ZNF519: variants seen among roughly 807,000 people sequenced by gnomAD.
ZNF519 encodes zinc finger protein 519.
Under a neutral mutation model 7.4 loss-of-function variants are expected in ZNF519, and 7 were observed. The observed-to-expected ratio is 0.94, with a 90% CI of 0.54 to 1.77. The LOEUF (loss-of-function observed/expected upper bound fraction) is 1.77. ZNF519 is among the 40% of genes most tolerant of loss of function. The probability of loss-of-function intolerance (pLI) is 0.00; values close to 1 mark genes in which losing one functional copy is unlikely to be tolerated. For missense variants in ZNF519, 586 were observed against 623.1 expected, an observed-to-expected ratio of 0.94 and a Z score of 0.63; for synonymous variants, 179 against 203.3, an observed-to-expected ratio of 0.88 and a Z score of 1.02.
chr18:14,105,935 A>G lies in ZNF519; in HGVS notation c.605T>C (p.Ile202Thr). ...GTTGTAAGGCTTTTTTTGAATATGG[A>G]TATTTTCAGGGAAAATAAGCTTTGA... ...QSSKLIFPEN[I>T]HIQKKPYNSN... is the part of the protein sequence containing the mutation. Residue 202 changes from isoleucine (I) to threonine (T), a missense_variant, in exon 3 of 3, where the codon ATC becomes ACC. Physicochemically the swap from Ile to Thr is moderately conservative, Grantham distance 89 (BLOSUM62 -1). Transcript: ENST00000590202. The G allele has an allele frequency of 6.2e-7, 1 of 1,608,078 alleles. No individual in the cohort carries two copies. Among genetic ancestry groups the G allele is most frequent in the South Asian group, 1.1e-5 (1 of 89,950 alleles).
downstream of ZNF519, chr18:14,071,685 TTACAAGAGCA>T (rs2046028981): frequency 2.0e-5 from 3 of 152,010 alleles, no homozygotes; most frequent in Non-Finnish European, 4.4e-5. Context: ...GCAGGTATAA[TTACAAGAGCA>T]AAATGCAGGA....
rs763591495 is a variant in ZNF519, at chr18:14,105,211, CCT to C, written c.1327_1328del (p.Arg443GlyfsTer20). The C allele has an allele frequency of 6.0e-5, 94 of 1,568,178 alleles. No individual in the cohort carries two copies. The Middle Eastern group carries it at 4.2e-3, about 69-fold the overall frequency. On this transcript the variant is annotated frameshift_variant, in exon 3 of 3. Coordinates refer to ENST00000590202, the MANE Select transcript of ZNF519 (RefSeq NM_145287.4). LOFTEE classifies it low-confidence loss of function (END_TRUNC). ...TTTGATGTCGAGTAAGGTGTGAGCC[CCT>C]GTTAAAGGCTTTGCCACATTCTTTA... Reference protein sequence around the residue: ...KCKECGKAFNRGSHLTRHQRI... With the variant: ...KCKECGKAFNXGSHLTRHQRI...
At chr18:14,091,000 C>A (rs1213273650) in intron 2 of ZNF519, 2 of 152,032 alleles carry the variant, frequency 1.3e-5, no homozygotes, top group Non-Finnish European at 2.9e-5. Flanking sequence ...TTAATAAAGA[C>A]TTTTAGTACT....
At chr18:14,088,246 G>A (rs1161411455) in intron 2 of ZNF519, among the ~76,000 whole-genome samples, 3 of 152,180 alleles carry the variant, frequency 2.0e-5, no homozygotes, top group African/African-American at 7.2e-5. Context: ...AAAATCAGAA[G>A]AGAAAGTCTT....
At chr18:14,089,413 T>C (rs1254362161) in intron 2 of ZNF519, among the ~76,000 whole-genome samples, 3 of 152,150 alleles carry the variant, frequency 2.0e-5, no homozygotes, top group African/African-American at 7.2e-5. Context: ...AAGAACTCAT[T>C]CATCTGATTT....
At chr18:14,125,045 T>C (rs1216572227) in intron 1 of ZNF519, among the ~76,000 whole-genome samples, 1 of 152,196 alleles carries the variant, frequency 6.6e-6, no homozygotes. Context: ...AAAGGGTCCA[T>C]GAATTAGCTT....
At chr18:14,110,913 G>A (rs1363881610) in intron 2 of ZNF519, among the ~76,000 whole-genome samples, 2 of 152,010 alleles carry the variant, frequency 1.3e-5, no homozygotes, top group African/African-American at 4.8e-5. Context: ...AGGCGGGTGA[G>A]GGATAAAAGC....
chr18:14,120,580 G>GA (rs199670724), intron 2 of ZNF519, among the ~76,000 whole-genome samples: 167 of 151,432 alleles, frequency 1.1e-3, no homozygotes, highest in African/African-American at 3.1e-3. Flanking sequence ...CACAGGAAAG[G>GA]AAAAAAAAAT....
intron 1 of ZNF519, among the ~76,000 whole-genome samples, chr18:14,130,847 GA>G (rs56750676): frequency 0.24 from 34,359 of 145,426 alleles, 3,839 homozygotes; most frequent in African/African-American, 0.31. Context: ...GGGGTTGGGG[GA>G]AAAAAAAAAA....
chr18:14,101,603 G>A lies in ZNF519; in HGVS notation c.*3314C>T, dbSNP rs2046161685. On this transcript the variant is annotated 3_prime_UTR_variant, in exon 3 of 3. Coordinates refer to ENST00000590202, the MANE Select transcript of ZNF519 (RefSeq NM_145287.4). The stretch of plus-strand genomic sequence containing the variant: ...ACAAAGTCCTGTGAGTCATCAAGGT[G>A]GAGTCCTGGCAGAAGGCCTTCTCAG... 17 of 398,468 alleles carry A rather than the reference G, an allele frequency of 4.3e-5. No homozygotes were observed. The East Asian group carries it at 5.7e-4, about 13-fold the overall frequency. 24.7% of individuals were successfully genotyped at this position (398,468 alleles called of 1,614,324 possible).
chr18:14,095,631 A>C (rs980091942), downstream of ZNF519, among the ~76,000 whole-genome samples: 1 of 152,230 alleles, frequency 6.6e-6, no homozygotes, highest in Non-Finnish European at 1.5e-5. Flanking sequence ...TCCACATGGC[A>C]CTGCAGCAGT....
rs899547965 is a variant in ZNF519, at chr18:14,122,568, G to T, written c.130+1782C>A. ...GCAGCCCTTTATAAGTGATAAAGGG[G>T]ACATTGGGTCTCACTGTAAACTTGA... On this transcript the variant is annotated intron_variant, in intron 2 of 2. Transcript: ENST00000590202. 6 of 151,844 alleles carry T rather than the reference G, an allele frequency of 4.0e-5. No individual in the cohort carries two copies. In the South Asian group the frequency reaches 6.2e-4, roughly 16 times the overall value. 9.4% of individuals were successfully genotyped at this position (151,844 alleles called of 1,614,324 possible). A position where few individuals can be genotyped will look rare whatever the true frequency, so the allele number is the denominator to read the frequency against.
At chr18:14,087,639 G>T (rs752866006) in intron 2 of ZNF519, among the ~76,000 whole-genome samples, 24 of 152,110 alleles carry the variant, frequency 1.6e-4, no homozygotes, top group Admixed American at 3.3e-4. Flanking sequence ...GAGAAGAAAG[G>T]GATGGGTCAT....
At chr18:14,080,510 C>T (rs935025782) in intron 3 of ZNF519, among the ~76,000 whole-genome samples, 40 of 151,796 alleles carry the variant, frequency 2.6e-4, no homozygotes, top group African/African-American at 7.7e-4. Context: ...TTAGTAGAGA[C>T]GGGGTTTCAC....
chr18:14,109,775 T>A (rs1217459008), intron 2 of ZNF519, among the ~76,000 whole-genome samples: 1 of 152,096 alleles, frequency 6.6e-6, no homozygotes, highest in East Asian at 1.9e-4. Flanking sequence ...ATGACAGATT[T>A]ACTGAAATTT....
chr18:14,124,555 A>C (rs2046287439), intron 1 of ZNF519, 79 bp from the exon 2 acceptor site: 1 of 1,506,972 alleles, frequency 6.6e-7, no homozygotes, highest in Non-Finnish European at 9.1e-7. Context: ...GTTCTGACTT[A>C]TGTGGCTGAC....
In ZNF519 at chr18:14,105,961, G is replaced by A; in HGVS notation, c.579C>T (p.Ser193=). Residue 193 remains serine (S), a synonymous_variant, in exon 3 of 3, where the codon TCC becomes TCT. Transcript: ENST00000590202. Reference sequence around the variant, plus strand: ...TATTTTCAGGGAAAATAAGCTTTGAGGATTGGTAAAATACTTTTTCACATT... The same window carrying A: ...TATTTTCAGGGAAAATAAGCTTTGAAGATTGGTAAAATACTTTTTCACATT... ...CNECEKVFYQ[S]SKLIFPENIH... 6.2e-7 allele frequency: 1 copy of A among 1,602,354 alleles called. No homozygotes were observed. Among genetic ancestry groups the A allele is most frequent in the Non-Finnish European group, 8.5e-7 (1 of 1,173,032 alleles).
Position 14,100,767 on chromosome 18 carries a change from A to C in ZNF519, c.*4150T>G, listed in dbSNP as rs1366498804. 6.6e-6 allele frequency: 1 copy of C among 152,202 alleles called. No homozygotes were observed. The highest frequency in any genetic ancestry group is 2.4e-5 in the African/African-American group (1 of 41,458). The allele number at this position is 152,202 out of a possible 1,614,324, so 9.4% of individuals were successfully genotyped here. On this transcript the variant is annotated 3_prime_UTR_variant, in exon 3 of 3. Transcript: ENST00000590202. ...CTACACATGTAATAAAATTGCACAG[A>C]ACACACACACATAAGAAAAAATTAA...
rs756366755 is a variant in ZNF519 at position 14,132,250 on chromosome 18, G to A, written c.3+25C>T. 40 of 1,613,442 alleles carry A rather than the reference G, an allele frequency of 2.5e-5. No individual in the cohort carries two copies. The East Asian group carries it at 3.6e-4, about 14-fold the overall frequency. On this transcript the variant is annotated intron_variant, in intron 1 of 2. Transcript: ENST00000590202. Reference sequence around the variant, plus strand: ...TCCAAGGAGCCCCCTCCCCAGTCTCGGTACGCCCTGCCCCCCACACTCACC... The same window carrying A: ...TCCAAGGAGCCCCCTCCCCAGTCTCAGTACGCCCTGCCCCCCACACTCACC...
Sources: allele counts gnomAD v4.1 joint callset (sites outside exome capture counted in the v4.1 genomes callset), GRCh38; gene constraint gnomAD v4.1.1; transcripts MANE v1.5; gene names NCBI Gene and HGNC (gene_info 2026-07-23, HGNC 2026-07-21).